The following ERCC6L2 variants were observed in gnomAD, a reference collection of about 807,000 sequenced individuals.
The protein encoded by ERCC6L2 is ERCC excision repair 6 like 2.
A neutral mutation model predicts 132.0 loss-of-function variants in ERCC6L2; 77 were observed. The observed-to-expected ratio is 0.58, with a 90% CI of 0.49 to 0.71. The LOEUF (loss-of-function observed/expected upper bound fraction) is 0.71, where lower values mean the gene tolerates loss of function less well. Ranked by LOEUF, ERCC6L2 falls within the 30% of genes least tolerant of loss-of-function variation. The pLI is 0.00. For missense variants in ERCC6L2, 1,542 were observed against 1,837.6 expected (o/e 0.84, Z 2.94); for synonymous variants, 583 against 632.4 (o/e 0.92, Z 1.17).
chr9:95,965,569 C>T (rs1181651281), intron 13 of ERCC6L2, among the ~76,000 whole-genome samples: 2 of 152,070 alleles, frequency 1.3e-5, no homozygotes, highest in South Asian at 2.1e-4. Flanking sequence ...AGTGCAGTGG[C>T]GCCACCTCGG....
chr9:95,904,571 T>G (rs1828940544), intron 3 of ERCC6L2, among the ~76,000 whole-genome samples: 2 of 152,306 alleles, frequency 1.3e-5, no homozygotes, highest in Non-Finnish European at 2.9e-5. Context: ...TTGCTTAATA[T>G]CTCTGTACCT....
At chr9:95,961,623 A>G (rs903779918) in intron 13 of ERCC6L2, among the ~76,000 whole-genome samples, 3 of 152,192 alleles carry the variant, frequency 2.0e-5, no homozygotes, top group Non-Finnish European at 4.4e-5. Context: ...CTGTATGACA[A>G]AGGAACTGCA....
At chr9:95,911,385 C>T (rs968707900) in intron 4 of ERCC6L2, among the ~76,000 whole-genome samples, 2 of 152,020 alleles carry the variant, frequency 1.3e-5, no homozygotes, top group East Asian at 3.8e-4. Flanking sequence ...GTACTTTTAG[C>T]ACATAAGAGT....
intron 6 of ERCC6L2, 70 bp from the exon 7 acceptor site, chr9:95,921,105 A>C: frequency 7.3e-7 from 1 of 1,372,352 alleles, no homozygotes; most frequent in Non-Finnish European, 1.0e-6. Context: ...ATGAAATCAG[A>C]TGTAGATTAT....
At chr9:95,900,411 T>C (rs1017279148) in intron 3 of ERCC6L2, among the ~76,000 whole-genome samples, 3 of 152,034 alleles carry the variant, frequency 2.0e-5, no homozygotes, top group Middle Eastern at 3.2e-3. Context: ...TTCCTTTCAG[T>C]ACTCCTTTGT....
intron 17 of ERCC6L2, among the ~76,000 whole-genome samples, chr9:96,000,766 G>A (rs1400785930): frequency 6.6e-6 from 1 of 152,158 alleles, no homozygotes; most frequent in Admixed American, 6.5e-5. Context: ...GGGCGACATA[G>A]CAAGACCCCA....
intron 12 of ERCC6L2, among the ~76,000 whole-genome samples, chr9:95,953,032 C>G (rs1831415036): frequency 6.6e-6 from 1 of 152,058 alleles, no homozygotes; most frequent in African/African-American, 2.4e-5. Context: ...ATCAAATTCA[C>G]AAAGACAGAA....
intron 17 of ERCC6L2, among the ~76,000 whole-genome samples, chr9:95,979,384 A>T (rs571345417): frequency 1.3e-5 from 2 of 152,202 alleles, no homozygotes; most frequent in Non-Finnish European, 2.9e-5. Context: ...CCAAAATGCC[A>T]TAACACCCTG....
At chr9:95,947,974 T>A (rs1831142823) in intron 12 of ERCC6L2, among the ~76,000 whole-genome samples, 1 of 152,262 alleles carries the variant, frequency 6.6e-6, no homozygotes. Flanking sequence ...GAGATTAATG[T>A]TGTTTATGCA....
At chr9:96,033,322 T>C (rs1190451421) in intron 19 of ERCC6L2, among the ~76,000 whole-genome samples, 3 of 151,826 alleles carry the variant, frequency 2.0e-5, no homozygotes, top group African/African-American at 7.3e-5. Context: ...CTCAGCTCAC[T>C]GCAACCTCCG....
rs1588058083 is a variant in ERCC6L2 at position 96,013,616 on chromosome 9, A to G, written c.*413A>G. The G allele has an allele frequency of 6.4e-6, 1 of 157,190 alleles. No homozygotes were observed. The highest frequency in any genetic ancestry group is 1.9e-4 in the East Asian group (1 of 5,368). 9.7% of individuals were successfully genotyped at this position (157,190 alleles called of 1,614,324 possible). Reference sequence around the variant, plus strand: ...CTTTGCTTCGCTCTCCTAATGGCTCATAGGCTGAATCATGTCTGCCCCTCA... The same window carrying G: ...CTTTGCTTCGCTCTCCTAATGGCTCGTAGGCTGAATCATGTCTGCCCCTCA... On this transcript the variant is annotated 3_prime_UTR_variant, in exon 19 of 19. Transcript: ENST00000653738.
intron 17 of ERCC6L2, among the ~76,000 whole-genome samples, chr9:95,990,631 C>T (rs562375155): frequency 6.6e-6 from 1 of 152,158 alleles, no homozygotes; most frequent in Non-Finnish European, 1.5e-5. Context: ...AGTGTACAAG[C>T]GAGCAAGCAA....
In ERCC6L2 at chr9:95,929,418, A is replaced by G. The variant is rs558614690; in HGVS notation, c.1751+554A>G. On this transcript the variant is annotated intron_variant, in intron 11 of 18. Coordinates refer to ENST00000653738, the MANE Select transcript of ERCC6L2 (RefSeq NM_020207.7). Reference sequence around the variant, plus strand: ...CTTCTGAAAAGATTTAAATCAACATAAACACCTAAGTAAGATTAATCCCAT... The same window carrying G: ...CTTCTGAAAAGATTTAAATCAACATGAACACCTAAGTAAGATTAATCCCAT... Among the ~76,000 whole-genome samples, 8 of 152,370 alleles carry G rather than the reference A, an allele frequency of 5.3e-5. No individual in the cohort carries two copies. In the South Asian group the frequency reaches 1.7e-3, roughly 32 times the overall value.
At chr9:96,028,771 T>TAA (rs1834415137) in intron 19 of ERCC6L2, among the ~76,000 whole-genome samples, 1 of 152,160 alleles carries the variant, frequency 6.6e-6, no homozygotes, top group Admixed American at 6.5e-5. Context: ...AGTGAAGGGA[T>TAA]TACCATTCCA....
At chr9:96,011,316 C>G (rs1834020368) in intron 18 of ERCC6L2, among the ~76,000 whole-genome samples, 1 of 152,208 alleles carries the variant, frequency 6.6e-6, no homozygotes. Flanking sequence ...TCTGGCATCT[C>G]TTCTAAGGAC....
Position 95,951,840 on chromosome 9 carries a change from G to C in ERCC6L2, c.1848-4074G>C, listed in dbSNP as rs183896621. ...ATAAAGTAAAGCCCAGGACCTTAAG[G>C]CTTTGCTGATTAATTCTACCAAGCA... is the stretch of plus-strand genomic sequence containing the variant. On this transcript the variant is annotated intron_variant, in intron 12 of 18. Coordinates refer to ENST00000653738, the MANE Select transcript of ERCC6L2 (RefSeq NM_020207.7). Among the ~76,000 whole-genome samples, 1,308 of 143,076 alleles carry C rather than the reference G, an allele frequency of 9.1e-3. 20 individuals carry two copies. Among genetic ancestry groups the C allele is most frequent in the African/African-American group, 0.031 (1,248 of 40,864 alleles). The allele number at this position is 143,076 out of a possible 152,430, so 93.9% of individuals were successfully genotyped here. A position where few individuals can be genotyped will look rare whatever the true frequency, so the allele number is the denominator to read the frequency against.
At chr9:95,914,361 A>AT (rs971850691) in intron 4 of ERCC6L2, among the ~76,000 whole-genome samples, 31 of 148,568 alleles carry the variant, frequency 2.1e-4, no homozygotes, top group Middle Eastern at 3.5e-3. Context: ...AGTTATAATA[A>AT]TTTTTTTTTT....
downstream of ERCC6L2, chr9:96,020,091 A>G (rs1405227234): frequency 6.5e-6 from 1 of 152,962 alleles, no homozygotes; most frequent in Non-Finnish European, 1.5e-5. Flanking sequence ...CTGAGGCAGG[A>G]GAATCTCTTG....
intron 14 of ERCC6L2, 141 bp downstream of exon 14, chr9:95,966,855 T>C (rs2133054534): frequency 7.0e-6 from 4 of 572,286 alleles, no homozygotes; most frequent in African/African-American, 3.8e-5. Flanking sequence ...ATTTTTACTT[T>C]TAGAGAATAA....
Sources: gnomAD v4.1 joint callset for allele counts (sites outside exome capture counted in the v4.1 genomes callset) on GRCh38, gnomAD v4.1.1 for gene constraint, MANE v1.5 for transcripts, NCBI Gene and HGNC (gene_info 2026-07-23, HGNC 2026-07-21) for gene names.